The following CTNNA2 variants were observed in gnomAD, a reference collection of about 807,000 sequenced individuals.
CTNNA2 encodes the protein catenin alpha 2.
Under a neutral mutation model 101.0 loss-of-function variants are expected in CTNNA2, and 42 were observed. The ratio of observed to expected loss-of-function variants is 0.42; its 90% CI spans 0.32 to 0.54. The LOEUF (loss-of-function observed/expected upper bound fraction) is 0.54. Ranked by LOEUF, CTNNA2 falls within the 20% of genes least tolerant of loss-of-function variation. The pLI is 0.14. For missense variants in CTNNA2, 871 were observed against 1,223.1 expected (o/e 0.71, Z 4.29); for synonymous variants, 450 against 456.4 (o/e 0.99, Z 0.18).
At chr2:79,373,191 C>T (rs1677910848) in intron 3 of CTNNA2, among the ~76,000 whole-genome samples, 1 of 152,074 alleles carries the variant, frequency 6.6e-6, no homozygotes. Flanking sequence ...TAAATGTAGA[C>T]GTGTGACTCT....
At chr2:80,086,016 T>A (rs1699419476) in intron 7 of CTNNA2, among the ~76,000 whole-genome samples, 1 of 152,076 alleles carries the variant, frequency 6.6e-6, no homozygotes, top group Non-Finnish European at 1.5e-5. Context: ...TATGTGCAGA[T>A]ATTTGGGAAT....
At chr2:79,332,928 T>A (rs575689621) in intron 3 of CTNNA2, among the ~76,000 whole-genome samples, 1 of 151,226 alleles carries the variant, frequency 6.6e-6, no homozygotes. Context: ...CTTTCAAAAA[T>A]TGATTTACTG....
intron 7 of CTNNA2, among the ~76,000 whole-genome samples, chr2:79,993,046 C>A (rs1692292494): frequency 6.6e-6 from 1 of 151,954 alleles, no homozygotes; most frequent in Non-Finnish European, 1.5e-5. Flanking sequence ...CAAGAACCAT[C>A]AACAGGTGGC....
intron 7 of CTNNA2, among the ~76,000 whole-genome samples, chr2:80,344,934 G>A (rs1672595401): frequency 6.6e-6 from 1 of 152,030 alleles, no homozygotes; most frequent in South Asian, 2.1e-4. Flanking sequence ...AAACTCTGTT[G>A]CCTCTACACT....
At chr2:79,941,726 C>A (rs1321450288) in intron 7 of CTNNA2, among the ~76,000 whole-genome samples, 2 of 152,188 alleles carry the variant, frequency 1.3e-5, no homozygotes, top group Non-Finnish European at 2.9e-5. Flanking sequence ...TCAAGTGATT[C>A]TCCTGTGTCA....
chr2:79,584,639 C>T lies in CTNNA2; in HGVS notation c.-5-66913C>T, dbSNP rs117263773. Among the ~76,000 whole-genome samples, 19 of 151,920 alleles carry T rather than the reference C, an allele frequency of 1.3e-4. No homozygotes were observed. The East Asian group carries it at 3.5e-3, about 28-fold the overall frequency. ...TCCTAGGTTCAAGAGATTCTCCTTCCTCAGCCTCCCAAAGGGAGTACAGGC... is the reference window on the plus strand; with the variant it reads ...TCCTAGGTTCAAGAGATTCTCCTTCTTCAGCCTCCCAAAGGGAGTACAGGC... On this transcript the variant is annotated intron_variant, in intron 1 of 18. Transcript: ENST00000402739.
At chr2:79,317,151 A>G (rs1419899064) in intron 3 of CTNNA2, among the ~76,000 whole-genome samples, 1 of 151,998 alleles carries the variant, frequency 6.6e-6, no homozygotes, top group Non-Finnish European at 1.5e-5. Flanking sequence ...CTCTTCCTGC[A>G]TCTATTGGGA....
Position 79,794,760 on chromosome 2 carries a change from A to G in CTNNA2, c.298+50178A>G, listed in dbSNP as rs577455624. Among the ~76,000 whole-genome samples, 5 of 152,326 alleles carry G rather than the reference A, an allele frequency of 3.3e-5. No individual in the cohort carries two copies. In the South Asian group the frequency reaches 6.2e-4, roughly 19 times the overall value. On this transcript the variant is annotated intron_variant, in intron 3 of 18. Transcript: ENST00000402739. ...AAGAGTAAGTATGTACATTCTGCCA[A>G]GATGTAATAGGTAGGATAAATCTAC...
chr2:79,253,144 T>A (rs1460812430), intron 2 of CTNNA2, among the ~76,000 whole-genome samples: 1 of 152,188 alleles, frequency 6.6e-6, no homozygotes, highest in Non-Finnish European at 1.5e-5. Flanking sequence ...GCTAGTCAGA[T>A]GAATTGTAAG....
At chr2:80,323,403 T>G (rs1443153187) in intron 7 of CTNNA2, among the ~76,000 whole-genome samples, 2 of 152,228 alleles carry the variant, frequency 1.3e-5, no homozygotes, top group Admixed American at 6.5e-5. Flanking sequence ...TCTTCTCTCT[T>G]TCCTCCTTGC....
At chr2:80,437,574 T>C (rs1682153629) in intron 9 of CTNNA2, among the ~76,000 whole-genome samples, 2 of 152,236 alleles carry the variant, frequency 1.3e-5, no homozygotes, top group Admixed American at 1.3e-4. Context: ...AATGCTTATT[T>C]ACCGAGTCTA....
At chr2:80,441,626 C>T (rs1286727933) in intron 9 of CTNNA2, among the ~76,000 whole-genome samples, 1 of 152,164 alleles carries the variant, frequency 6.6e-6, no homozygotes, top group Non-Finnish European at 1.5e-5. Flanking sequence ...TGTTTTGCAA[C>T]TCCAAGATAT....
chr2:80,072,922 A>C (rs570401874), intron 7 of CTNNA2, among the ~76,000 whole-genome samples: 54 of 152,328 alleles, frequency 3.5e-4, no homozygotes, highest in Non-Finnish European at 6.8e-4. Flanking sequence ...ACATCCCCCA[A>C]CTCAGAGTCA....
chr2:79,227,419 C>G (rs1189823350), intron 2 of CTNNA2, among the ~76,000 whole-genome samples: 1 of 152,104 alleles, frequency 6.6e-6, no homozygotes, highest in African/African-American at 2.4e-5. Flanking sequence ...CATTTCTATT[C>G]TAACTAGTAT....
At chr2:79,923,228 C>T (rs904745055) in intron 7 of CTNNA2, among the ~76,000 whole-genome samples, 13 of 152,112 alleles carry the variant, frequency 8.5e-5, no homozygotes, top group African/African-American at 3.1e-4. Context: ...TAGTTGGAGA[C>T]TGTCGATCAT....
intron 7 of CTNNA2, among the ~76,000 whole-genome samples, chr2:80,044,812 A>G (rs2104298174): frequency 6.6e-6 from 1 of 152,246 alleles, no homozygotes; most frequent in East Asian, 1.9e-4. Context: ...ATATGTCATC[A>G]GTATTTGTCA....
At chr2:80,086,173 T>G (rs1449020936) in intron 7 of CTNNA2, among the ~76,000 whole-genome samples, 1 of 152,082 alleles carries the variant, frequency 6.6e-6, no homozygotes, top group African/African-American at 2.4e-5. Context: ...GATTCTGGCA[T>G]TAGTGGGTAC....
chr2:80,399,553 T>C (rs1466847788), intron 8 of CTNNA2, among the ~76,000 whole-genome samples: 4 of 152,162 alleles, frequency 2.6e-5, no homozygotes, highest in Admixed American at 6.5e-5. Context: ...AACGTAAGTA[T>C]GAACATGAAA....
chr2:79,867,071 TTCTTCTGTA>T (rs1220203240), intron 4 of CTNNA2, among the ~76,000 whole-genome samples: 1 of 152,134 alleles, frequency 6.6e-6, no homozygotes, highest in East Asian at 1.9e-4. Flanking sequence ...TCCCAGGGTT[TTCTTCTGTA>T]TCTTCTGCTC....
Sources: allele counts gnomAD v4.1 joint callset (sites outside exome capture counted in the v4.1 genomes callset), GRCh38; gene constraint gnomAD v4.1.1; transcripts MANE v1.5; gene names NCBI Gene and HGNC (gene_info 2026-07-23, HGNC 2026-07-21).